ATP8A2: variants seen among roughly 807,000 people sequenced by gnomAD.
ATP8A2 encodes phospholipid-transporting ATPase IB.
In ATP8A2, 100 loss-of-function variants were observed where a neutral mutation model predicts 165.6. The observed-to-expected ratio is 0.60, with a 90% CI of 0.51 to 0.71. The LOEUF (loss-of-function observed/expected upper bound fraction) is 0.71, where lower values mean the gene tolerates loss of function less well. ATP8A2 is among the 30% of genes least tolerant of loss of function. The pLI, the probability that ATP8A2 is intolerant of heterozygous loss-of-function variation, is 0.00. For missense variants in ATP8A2, 1,227 were observed against 1,479.5 expected (o/e 0.83, Z 2.80); for synonymous variants, 543 against 548.8 (o/e 0.99, Z 0.15).
At chr13:25,749,665 G>C (rs1045675696) in intron 25 of ATP8A2, among the ~76,000 whole-genome samples, 2 of 152,172 alleles carry the variant, frequency 1.3e-5, no homozygotes, top group African/African-American at 2.4e-5. Flanking sequence ...TTAAGAAAGA[G>C]TGGGACAGCT....
At chr13:25,773,968 T>C (rs76437203) in intron 26 of ATP8A2, among the ~76,000 whole-genome samples, 4,196 of 152,318 alleles carry the variant, frequency 0.028, 184 homozygotes, top group African/African-American at 0.096. Flanking sequence ...CTGTGTGTAC[T>C]TTTCTTTTAA....
At chr13:25,700,053 C>A (rs2042919062) in intron 25 of ATP8A2, among the ~76,000 whole-genome samples, 1 of 152,082 alleles carries the variant, frequency 6.6e-6, no homozygotes, top group Non-Finnish European at 1.5e-5. Context: ...CAGTTTTATG[C>A]CTATGGTCAC....
intron 28 of ATP8A2, among the ~76,000 whole-genome samples, chr13:25,830,206 T>A (rs1951427340): frequency 6.6e-6 from 1 of 151,678 alleles, no homozygotes; most frequent in Non-Finnish European, 1.5e-5. Flanking sequence ...GGAAATGGGG[T>A]CTCGCCATGT....
intron 24 of ATP8A2, among the ~76,000 whole-genome samples, chr13:25,631,245 C>G (rs1427588613): frequency 6.6e-6 from 1 of 152,178 alleles, no homozygotes; most frequent in Admixed American, 6.5e-5. Flanking sequence ...CTCATCTGTG[C>G]TCTGTTCAGC....
At chr13:25,480,716 T>C (rs1465206492) in intron 2 of ATP8A2, among the ~76,000 whole-genome samples, 4 of 143,036 alleles carry the variant, frequency 2.8e-5, no homozygotes, top group African/African-American at 5.2e-5. Context: ...AGACGATGGG[T>C]GGCCAGGCAG....
chr13:25,592,945 C>T (rs1223989607), intron 24 of ATP8A2, among the ~76,000 whole-genome samples: 3 of 152,160 alleles, frequency 2.0e-5, no homozygotes, highest in Non-Finnish European at 4.4e-5. Context: ...TCAGTATCTA[C>T]TGAGCAGAGG....
At chr13:25,412,651 C>T (rs760125510) in intron 1 of ATP8A2, among the ~76,000 whole-genome samples, 4 of 152,088 alleles carry the variant, frequency 2.6e-5, no homozygotes, top group Admixed American at 2.0e-4. Context: ...CCTTAGGCCT[C>T]GTGCATCTAG....
intron 24 of ATP8A2, among the ~76,000 whole-genome samples, chr13:25,613,623 G>A (rs1414002247): frequency 6.6e-6 from 1 of 152,136 alleles, no homozygotes; most frequent in Non-Finnish European, 1.5e-5. Flanking sequence ...AGTTCTTGTA[G>A]TGCTGGATTG....
chr13:25,727,358 G>A (rs764730070), intron 25 of ATP8A2, among the ~76,000 whole-genome samples: 1 of 152,112 alleles, frequency 6.6e-6, no homozygotes, highest in Non-Finnish European at 1.5e-5. Context: ...AAATGCTGTG[G>A]CCAACCAGGA....
At chr13:25,414,834 G>T (rs1477366234) in intron 1 of ATP8A2, among the ~76,000 whole-genome samples, 2 of 152,096 alleles carry the variant, frequency 1.3e-5, no homozygotes, top group Admixed American at 6.5e-5. Context: ...ATTGCTATTT[G>T]CTTATTTTCC....
In ATP8A2 at chr13:25,513,241, C is replaced by A. The variant is rs545954842; in HGVS notation, c.222-16758C>A. Reference sequence around the variant, plus strand: ...GTGGAGGGTCTCCTCACTTCTCAGACGGGGCGGCTGGGCAGAGACGCTCCT... The same window carrying A: ...GTGGAGGGTCTCCTCACTTCTCAGAAGGGGCGGCTGGGCAGAGACGCTCCT... On this transcript the variant is annotated intron_variant, in intron 2 of 36. Coordinates refer to ENST00000381655, the MANE Select transcript of ATP8A2 (RefSeq NM_016529.6). Among the ~76,000 whole-genome samples the A allele has an allele frequency of 1.4e-3, 204 of 149,298 alleles. 1 individual carries two copies. Among genetic ancestry groups the A allele is most frequent in the African/African-American group, 4.2e-3 (171 of 40,412 alleles).
chr13:25,630,199 A>AGT (rs2041207003), intron 24 of ATP8A2, among the ~76,000 whole-genome samples: 3 of 152,318 alleles, frequency 2.0e-5, no homozygotes, highest in Non-Finnish European at 2.9e-5. Context: ...ACCCAAAGCT[A>AGT]GGTGGTACAG....
At chr13:26,018,583 G>A (rs923704816) in intron 36 of ATP8A2, among the ~76,000 whole-genome samples, 4 of 152,202 alleles carry the variant, frequency 2.6e-5, no homozygotes, top group Admixed American at 1.3e-4. Context: ...GTCTAATTGA[G>A]CTGTGGGACT....
At chr13:25,490,637 G>A (rs1264862564) in intron 2 of ATP8A2, among the ~76,000 whole-genome samples, 3 of 152,050 alleles carry the variant, frequency 2.0e-5, no homozygotes, top group African/African-American at 7.2e-5. Flanking sequence ...AATCATCTCC[G>A]TGTACCAGCA....
chr13:25,737,828 GC>G (rs1321532469), intron 25 of ATP8A2, among the ~76,000 whole-genome samples: 2 of 152,108 alleles, frequency 1.3e-5, no homozygotes, highest in Non-Finnish European at 2.9e-5. Context: ...GACTTCAGGC[GC>G]CTGGCCACCA....
At chr13:25,872,511 TGGAGTAG>T in intron 33 of ATP8A2, among the ~76,000 whole-genome samples, 1 of 152,344 alleles carries the variant, frequency 6.6e-6, no homozygotes, top group Non-Finnish European at 1.5e-5. Context: ...TCTACCAAGT[TGGAGTAG>T]GAAGGGACTT....
chr13:25,650,326 G>A (rs1566014389), intron 24 of ATP8A2, among the ~76,000 whole-genome samples: 1 of 152,154 alleles, frequency 6.6e-6, no homozygotes, highest in African/African-American at 2.4e-5. Context: ...AGTGAAACCT[G>A]TGACCTCCTA....
At chr13:25,938,316 T>A (rs1954975221) in intron 33 of ATP8A2, among the ~76,000 whole-genome samples, 1 of 152,126 alleles carries the variant, frequency 6.6e-6, no homozygotes, top group South Asian at 2.1e-4. Context: ...GATATTCAGC[T>A]TGGAAATATG....
intron 24 of ATP8A2, among the ~76,000 whole-genome samples, chr13:25,678,059 A>T (rs1056164078): frequency 6.6e-6 from 1 of 152,220 alleles, no homozygotes; most frequent in Non-Finnish European, 1.5e-5. Context: ...AACATGACTC[A>T]TGATAGCTCA....
Sources: allele counts gnomAD v4.1 joint callset (sites outside exome capture counted in the v4.1 genomes callset), GRCh38; gene constraint gnomAD v4.1.1; transcripts MANE v1.5; gene names NCBI Gene and HGNC (gene_info 2026-07-23, HGNC 2026-07-21).